SLC37A2: variants seen among roughly 807,000 people sequenced by gnomAD.
The protein encoded by SLC37A2 is solute carrier family 37 member 2.
In SLC37A2, 59 loss-of-function variants were observed where a neutral mutation model predicts 70.7. The observed-to-expected ratio is 0.83, with a 90% CI of 0.68 to 1.04. SLC37A2 has a LOEUF of 1.04. Among genes scored for constraint, SLC37A2 ranks in the 50% least tolerant of loss-of-function variants. The pLI, the probability that SLC37A2 is intolerant of heterozygous loss-of-function variation, is 0.00. For synonymous variants in SLC37A2, 257 were observed against 262.1 expected (o/e 0.98, Z 0.19); for missense variants, 580 against 658.1 (o/e 0.88, Z 1.30).
At chr11:125,081,950 T>C (rs1405946720) in intron 9 of SLC37A2, 44 bp downstream of exon 9, 2 of 1,556,168 alleles carry the variant, frequency 1.3e-6, no homozygotes, top group Non-Finnish European at 8.7e-7. Flanking sequence ...GCTTTCCAGA[T>C]TTTTTCTGTT....
chr11:125,076,225 A>G (rs952906016), intron 1 of SLC37A2, among the ~76,000 whole-genome samples: 1 of 151,998 alleles, frequency 6.6e-6, no homozygotes, highest in African/African-American at 2.4e-5. Flanking sequence ...GTCTGTCACC[A>G]CCTGTCCCAC....
rs1208639851 is a variant in SLC37A2 at position 125,080,276 on chromosome 11, G to A, written c.528-338G>A. On this transcript the variant is annotated intron_variant, in intron 6 of 17. Coordinates refer to ENST00000403796, the MANE Select transcript of SLC37A2 (RefSeq NM_001145290.2). The surrounding 1 kb of genome is among the most constrained non-coding windows in gnomAD (Gnocchi z 4.3). ...GTTACCAGATATCCCTTGGGGGTAG[G>A]ATCACCCCTGGTTGAGGACAGTGCT... Among the ~76,000 whole-genome samples the A allele has an allele frequency of 6.6e-6, 1 of 152,220 alleles. No individual in the cohort carries two copies. Among genetic ancestry groups the A allele is most frequent in the East Asian group, 1.9e-4 (1 of 5,188 alleles).
rs934894435 is a variant in SLC37A2, at chr11:125,063,756, C to A, written c.59+330C>A. On this transcript the variant is annotated intron_variant, in intron 1 of 17. Transcript: ENST00000403796. This position sits in a 1 kb window ranked among gnomAD's most constrained non-coding sequence, Gnocchi z 5.4. Reference sequence around the variant, plus strand: ...TCCGGGGCGCCTTCAGAGCGCCTTTCTGTCGTTGGGCAGCTGGGGAACCTG... The same window carrying A: ...TCCGGGGCGCCTTCAGAGCGCCTTTATGTCGTTGGGCAGCTGGGGAACCTG... Among the ~76,000 whole-genome samples the A allele has an allele frequency of 6.6e-6, 1 of 152,220 alleles. No individual in the cohort carries two copies. The highest frequency in any genetic ancestry group is 1.5e-5 in the Non-Finnish European group (1 of 68,024).
chr11:125,081,108 C>G (rs932501226), intron 7 of SLC37A2, among the ~76,000 whole-genome samples: 3 of 152,076 alleles, frequency 2.0e-5, no homozygotes, highest in Admixed American at 6.5e-5. Flanking sequence ...TGACCAGGCT[C>G]TCCACTTGCT....
chr11:125,081,645 G>A lies in SLC37A2; in HGVS notation c.733-109G>A, dbSNP rs373017926. 121 of 1,444,518 alleles carry A rather than the reference G, an allele frequency of 8.4e-5. No homozygotes were observed. In the East Asian group the frequency reaches 1.7e-3, roughly 21 times the overall value. 89.5% of individuals were successfully genotyped at this position (1,444,518 alleles called of 1,614,324 possible). A position where few individuals can be genotyped will look rare whatever the true frequency, so the allele number is the denominator to read the frequency against. The stretch of plus-strand genomic sequence containing the variant: ...CAGGTCAGTCCAGCCCGAGACGAAC[G>A]TGTGCCTCCCCATCCTGGGAGCCAG... On this transcript the variant is annotated intron_variant, in intron 8 of 17. Coordinates refer to ENST00000403796, the MANE Select transcript of SLC37A2 (RefSeq NM_001145290.2).
At position 125,085,635 on chromosome 11, in the gene SLC37A2, C is replaced by A; in HGVS notation, c.1386C>A (p.Val462=). 6.2e-7 allele frequency: 1 copy of A among 1,613,772 alleles called. No homozygotes were observed. Residue 462 remains valine, a synonymous_variant, in exon 16 of 18, where the codon GTC becomes GTA. Transcript: ENST00000403796. The stretch of plus-strand genomic sequence containing the variant: ...TCTCCCCCACGGGCTGGAACAATGT[C>A]TTCTACATGCTCATCTCTGCCGACG... ...GLISPTGWNN[V]FYMLISADVL...
In SLC37A2 at chr11:125,077,453, A is replaced by G; in HGVS notation, c.239A>G (p.Lys80Arg). 6.2e-7 allele frequency: 1 copy of G among 1,613,466 alleles called. No individual in the cohort carries two copies. Among genetic ancestry groups the G allele is most frequent in the Non-Finnish European group, 8.5e-7 (1 of 1,179,698 alleles). ...TMWCSWAPFD[K>R]DNYKELLGGV... ...TGTTTCTCCCATCTGCTTTCAGACA[A>G]GGACAACTATAAGGAGTTACTAGGG... The change falls in exon 4 of 18, where the codon AAG becomes AGG. Residue 80 changes from lysine to arginine, a missense_variant. Transcript: ENST00000403796.
chr11:125,074,416 A>C (rs1299663064), intron 1 of SLC37A2, among the ~76,000 whole-genome samples: 1 of 151,982 alleles, frequency 6.6e-6, no homozygotes, highest in Admixed American at 6.6e-5. Context: ...CTGGTACAGG[A>C]TGGGCACAGG....
Position 125,080,503 on chromosome 11 carries a change from C to A in SLC37A2, c.528-111C>A. ...GGCTTTGGGGCTGTCTTTGGTGCCT[C>A]GGGGAAGCTGTAGTCAGCCCAGCTT... On this transcript the variant is annotated intron_variant, in intron 6 of 17. Coordinates refer to ENST00000403796, the MANE Select transcript of SLC37A2 (RefSeq NM_001145290.2). The surrounding 1 kb of genome is among the most constrained non-coding windows in gnomAD (Gnocchi z 4.3). The A allele has an allele frequency of 1.8e-6, 2 of 1,081,248 alleles. No homozygotes were observed. Among genetic ancestry groups the A allele is most frequent in the East Asian group, 2.9e-5 (1 of 33,926 alleles). 67.0% of individuals were successfully genotyped at this position (1,081,248 alleles called of 1,614,324 possible).
In SLC37A2 at chr11:125,085,368, C is replaced by G. The variant is rs1015399608; in HGVS notation, c.1249-27C>G. The G allele has an allele frequency of 4.4e-6, 7 of 1,606,732 alleles. No individual in the cohort carries two copies. In the African/African-American group the frequency reaches 9.3e-5, roughly 21 times the overall value. On this transcript the variant is annotated intron_variant, in intron 14 of 17. Coordinates refer to ENST00000403796, the MANE Select transcript of SLC37A2 (RefSeq NM_001145290.2). ...CTGCTCATGCTGCTGCTCAGCTGGG[C>G]TTCCCCACTCCACTGTCTCTCTCCA...
At chr11:125,070,972 A>C (rs1949024085) in intron 1 of SLC37A2, among the ~76,000 whole-genome samples, 1 of 152,162 alleles carries the variant, frequency 6.6e-6, no homozygotes, top group African/African-American at 2.4e-5. Context: ...ATGGTTGGCC[A>C]AGGCCTTGTT....
rs747014939 is a variant in SLC37A2, at chr11:125,081,754, G to T, written c.733G>T (p.Gly245Cys). Reference sequence around the variant, plus strand: ...AGCAGGGCTCATCTCCTCTGCTCAGGGTGAGCCAGCTGAGAACCAGGACAA... The same window carrying T: ...AGCAGGGCTCATCTCCTCTGCTCAGTGTGAGCCAGCTGAGAACCAGGACAA... ...DVDCAPPQHH[G>C]EPAENQDNPE... is the part of the protein sequence containing the mutation. Residue 245 changes from glycine (G) to cysteine (C), a missense_variant and splice_region_variant, in exon 9 of 18, where the codon GGT (glycine) becomes TGT (cysteine). Transcript: ENST00000403796. 6.3e-7 allele frequency: 1 copy of T among 1,594,068 alleles called. No homozygotes were observed. Among genetic ancestry groups the T allele is most frequent in the Non-Finnish European group, 8.5e-7 (1 of 1,170,038 alleles).
rs1949133943 is a variant in SLC37A2 at position 125,080,446 on chromosome 11, C to T, written c.528-168C>T. ...GGCCCTGCAGCCACCTGCTTGACAC[C>T]ATCCAAGGTCTCCCACTCCTTGCTG... On this transcript the variant is annotated intron_variant, in intron 6 of 17. Transcript: ENST00000403796. This position sits in a 1 kb window ranked among gnomAD's most constrained non-coding sequence, Gnocchi z 4.3. Among the ~76,000 whole-genome samples, 1 of 152,210 alleles carries T rather than the reference C, an allele frequency of 6.6e-6. No individual in the cohort carries two copies. Among genetic ancestry groups the T allele is most frequent in the Non-Finnish European group, 1.5e-5 (1 of 68,038 alleles).
At chr11:125,068,994 G>A (rs371346133) in intron 1 of SLC37A2, among the ~76,000 whole-genome samples, 1 of 152,208 alleles carries the variant, frequency 6.6e-6, no homozygotes, top group African/African-American at 2.4e-5. Context: ...GTAAAATGAG[G>A]ATAATAATAA....
chr11:125,086,324 C>G, intron 17 of SLC37A2: 1 of 1,231,302 alleles, frequency 8.1e-7, no homozygotes, highest in Non-Finnish European at 1.2e-6. Context: ...TGCAAATCCT[C>G]TGTCCTGCAG....
At chr11:125,075,278 C>G (rs1055954755) in intron 1 of SLC37A2, among the ~76,000 whole-genome samples, 1 of 152,240 alleles carries the variant, frequency 6.6e-6, no homozygotes, top group African/African-American at 2.4e-5. Context: ...GGATTTCCCT[C>G]AGATTCTAGA....
chr11:125,064,593 T>C (rs1198085014), intron 1 of SLC37A2, among the ~76,000 whole-genome samples: 1 of 152,214 alleles, frequency 6.6e-6, no homozygotes, highest in Non-Finnish European at 1.5e-5. Context: ...CTCTCATCAA[T>C]TCTAACCTTC....
At chr11:125,068,823 G>A (rs956745029) in intron 1 of SLC37A2, among the ~76,000 whole-genome samples, 1 of 152,190 alleles carries the variant, frequency 6.6e-6, no homozygotes, top group Non-Finnish European at 1.5e-5. Context: ...AGGCCAGGGT[G>A]CAGACAAATA....
At chr11:125,065,913 T>TA (rs1234658446) in intron 1 of SLC37A2, among the ~76,000 whole-genome samples, 1 of 152,216 alleles carries the variant, frequency 6.6e-6, no homozygotes, top group Non-Finnish European at 1.5e-5. Flanking sequence ...ACTAAGTTCT[T>TA]ATGGGTTAAT....
Sources: gnomAD v4.1 joint callset for allele counts (sites outside exome capture counted in the v4.1 genomes callset) on GRCh38, gnomAD v4.1.1 for gene constraint, Gnocchi (gnomAD v3.1) non-coding constraint, MANE v1.5 for transcripts, NCBI Gene and HGNC (gene_info 2026-07-23, HGNC 2026-07-21) for gene names.